GUCY2C: variants seen among roughly 807,000 people sequenced by gnomAD.
The protein encoded by GUCY2C is guanylyl cyclase C.
In GUCY2C, 118 loss-of-function variants were observed where a neutral mutation model predicts 131.1. The ratio of observed to expected loss-of-function variants is 0.90; its 90% confidence interval spans 0.78 to 1.05. The LOEUF is 1.05. GUCY2C is among the 50% of genes least tolerant of loss of function. The pLI is 0.00. For synonymous variants in GUCY2C, 452 were observed against 457.8 expected (o/e 0.99, Z 0.16); for missense variants, 1,161 against 1,304.4 (o/e 0.89, Z 1.69).
In GUCY2C at chr12:14,612,939, C is replaced by T; in HGVS notation, c.*178G>A. The T allele has an allele frequency of 1.8e-6, 1 of 548,658 alleles. No individual in the cohort carries two copies. Among genetic ancestry groups the T allele is most frequent in the Non-Finnish European group, 3.3e-6 (1 of 305,264 alleles). The allele number at this position is 548,658 out of a possible 1,614,324, so 34.0% of individuals were successfully genotyped here. ...TCCAGAGTGGAAGGTAGTTATTTCA[C>T]TGAGAACACACATCTGATTCATGCA... On this transcript the variant is annotated 3_prime_UTR_variant, in exon 27 of 27. Transcript: ENST00000261170.
In GUCY2C at chr12:14,627,224, C is replaced by A. The variant is rs1051130466; in HGVS notation, c.2250-1309G>T. On this transcript the variant is annotated intron_variant, in intron 20 of 26. Transcript: ENST00000261170. ...ATTTTACTATTACAAGAATAACAATCACTTCTGGTCTCAGGAGAAGATGGC... is the reference window on the plus strand; with the variant it reads ...ATTTTACTATTACAAGAATAACAATAACTTCTGGTCTCAGGAGAAGATGGC... Among the ~76,000 whole-genome samples the A allele has an allele frequency of 2.6e-5, 4 of 152,160 alleles. No homozygotes were observed. The East Asian group carries it at 7.7e-4, about 29-fold the overall frequency.
In GUCY2C at chr12:14,673,558, T is replaced by C. The variant is rs553041189; in HGVS notation, c.1085-600A>G. 4.6e-5 allele frequency among the ~76,000 whole-genome samples: 7 copies of C among 152,356 alleles called. No homozygotes were observed. The South Asian group carries it at 1.0e-3, about 23-fold the overall frequency. ...TCTGTGCTAAGTGATTTATATGCATTATCATATTATTCTTCCTGAAATATC... is the reference window on the plus strand; with the variant it reads ...TCTGTGCTAAGTGATTTATATGCATCATCATATTATTCTTCCTGAAATATC... On this transcript the variant is annotated intron_variant, in intron 8 of 26. Coordinates refer to ENST00000261170, the MANE Select transcript of GUCY2C (RefSeq NM_004963.4).
chr12:14,682,322 G>A (rs1289727271), intron 4 of GUCY2C, among the ~76,000 whole-genome samples: 2 of 152,094 alleles, frequency 1.3e-5, no homozygotes, highest in East Asian at 1.9e-4. Flanking sequence ...TCTCATGATA[G>A]TGAGTAAGTT....
chr12:14,638,925 G>T (rs1202789705), intron 19 of GUCY2C, among the ~76,000 whole-genome samples: 1 of 152,084 alleles, frequency 6.6e-6, no homozygotes, highest in Non-Finnish European at 1.5e-5. Context: ...TACATGACTT[G>T]ATCATTACAC....
At chr12:14,686,276 G>C in intron 2 of GUCY2C, 51 bp from the exon 3 acceptor site, 1 of 1,311,602 alleles carries the variant, frequency 7.6e-7, no homozygotes. Flanking sequence ...AAAATACTCA[G>C]TGGACAGGAA....
intron 16 of GUCY2C, among the ~76,000 whole-genome samples, chr12:14,644,740 C>CTTTT (rs542151875): frequency 3.7e-5 from 4 of 108,654 alleles, no homozygotes; most frequent in African/African-American, 1.4e-4. Flanking sequence ...ATTCAGTTGT[C>CTTTT]TTTTTTTTTT....
intron 19 of GUCY2C, among the ~76,000 whole-genome samples, chr12:14,629,417 G>A (rs1350522381): frequency 2.0e-5 from 3 of 152,146 alleles, no homozygotes; most frequent in Non-Finnish European, 4.4e-5. Flanking sequence ...GAGGCTCCAG[G>A]AGAAGGTCTT....
chr12:14,635,278 A>G (rs531903729), intron 19 of GUCY2C, among the ~76,000 whole-genome samples: 8 of 152,322 alleles, frequency 5.3e-5, no homozygotes, highest in East Asian at 3.8e-4. Context: ...TCAGGCCACA[A>G]TGGAATAAAA....
chr12:14,688,749 G>A (rs1012709059), intron 1 of GUCY2C, among the ~76,000 whole-genome samples: 1 of 152,230 alleles, frequency 6.6e-6, no homozygotes, highest in Non-Finnish European at 1.5e-5. Context: ...GGTCATGGAA[G>A]CCCTAGGGGG....
chr12:14,666,425 G>A (rs1373528297), intron 10 of GUCY2C, among the ~76,000 whole-genome samples: 1 of 151,952 alleles, frequency 6.6e-6, no homozygotes, highest in Non-Finnish European at 1.5e-5. Context: ...ATGGTTTGGA[G>A]ACTGTTTTCA....
At chr12:14,661,326 T>G (rs1947862634) in intron 10 of GUCY2C, among the ~76,000 whole-genome samples, 1 of 152,166 alleles carries the variant, frequency 6.6e-6, no homozygotes, top group Non-Finnish European at 1.5e-5. Flanking sequence ...AATCACCAAA[T>G]GTTACACAAA....
chr12:14,666,754 TAAGAA>T (rs1947990831), intron 10 of GUCY2C, among the ~76,000 whole-genome samples: 1 of 141,980 alleles, frequency 7.0e-6, no homozygotes, highest in East Asian at 2.1e-4. Context: ...AAAAAAAGAG[TAAGAA>T]AAGAAAAGAA....
intron 3 of GUCY2C, among the ~76,000 whole-genome samples, chr12:14,683,983 A>C (rs1948406450): frequency 6.6e-6 from 1 of 152,116 alleles, no homozygotes; most frequent in Non-Finnish European, 1.5e-5. Context: ...ATATCTTTGC[A>C]GTTATCCTCC....
At chr12:14,615,095 G>A (rs1592068122) in intron 25 of GUCY2C, 152 bp from the exon 26 acceptor site, 1 of 515,374 alleles carries the variant, frequency 1.9e-6, no homozygotes, top group Non-Finnish European at 3.4e-6. Flanking sequence ...TTCCTGTTAT[G>A]ATTTGCATTA....
chr12:14,681,385 A>T lies in GUCY2C; in HGVS notation c.704T>A (p.Ile235Asn). Residue 235 changes from isoleucine (I) to asparagine (N), a missense_variant, in exon 5 of 27, where the codon ATC (isoleucine) becomes AAC (asparagine). Physicochemically the swap from Ile to Asn is moderately radical, Grantham distance 149. Coordinates refer to ENST00000261170, the MANE Select transcript of GUCY2C (RefSeq NM_004963.4). The stretch of plus-strand genomic sequence containing the variant: ...GCTTTTCCTGTTGTGGTCCATTAAG[A>T]TATCCTGAAACTCCTTATCTTGTCT... ...VLRQDKEFQDILMDHNRKSNV... is the reference protein window; with the variant it reads ...VLRQDKEFQDNLMDHNRKSNV... 1 of 1,612,834 alleles carries T rather than the reference A, an allele frequency of 6.2e-7. No homozygotes were observed. The highest frequency in any genetic ancestry group is 8.5e-7 in the Non-Finnish European group (1 of 1,178,956).
chr12:14,628,572 G>A (rs1346826626), intron 20 of GUCY2C, 74 bp downstream of exon 20: 6 of 819,176 alleles, frequency 7.3e-6, no homozygotes, highest in African/African-American at 5.1e-5. Flanking sequence ...TCATTCTAAG[G>A]TGCCACTGAA....
chr12:14,659,246 T>A (rs1158916474), intron 11 of GUCY2C, among the ~76,000 whole-genome samples: 1 of 152,160 alleles, frequency 6.6e-6, no homozygotes, highest in East Asian at 1.9e-4. Flanking sequence ...AGTTTCACCA[T>A]GTTGGCCAGG....
chr12:14,616,579 G>A (rs1946766939), intron 25 of GUCY2C, 54 bp downstream of exon 25: 6 of 957,800 alleles, frequency 6.3e-6, no homozygotes, highest in South Asian at 5.1e-5. Context: ...CAAAGGAGGT[G>A]GCCCAAGCGT....
chr12:14,628,607 C>G (rs757928539), intron 20 of GUCY2C, 39 bp downstream of exon 20: 8 of 1,039,990 alleles, frequency 7.7e-6, no homozygotes, highest in Non-Finnish European at 1.2e-5. Context: ...TTTTTAAAAC[C>G]CTGCAATTAG....
Sources: allele counts gnomAD v4.1 joint callset (sites outside exome capture counted in the v4.1 genomes callset), GRCh38; gene constraint gnomAD v4.1.1; transcripts MANE v1.5; gene names NCBI Gene and HGNC (gene_info 2026-07-23, HGNC 2026-07-21).